The following LSAMP variants were observed in gnomAD, a reference collection of about 807,000 sequenced individuals.
LSAMP encodes the protein limbic system associated membrane protein, also known as limbic system-associated membrane protein.
A neutral mutation model predicts 38.6 loss-of-function variants in LSAMP; 7 were observed. The ratio of observed to expected loss-of-function variants is 0.18; its 90% confidence interval spans 0.10 to 0.34. The LOEUF (loss-of-function observed/expected upper bound fraction) is 0.34, where lower values mean the gene tolerates loss of function less well. Ranked by LOEUF, LSAMP falls within the 10% of genes least tolerant of loss-of-function variation. LSAMP has a pLI of 1.00. For missense variants in LSAMP, 313 were observed against 420.0 expected, an observed-to-expected ratio of 0.75 and a Z score of 2.23; for synonymous variants, 154 against 166.8, an observed-to-expected ratio of 0.92 and a Z score of 0.59.
intron 1 of LSAMP, among the ~76,000 whole-genome samples, chr3:116,269,580 A>G (rs1275935190): frequency 6.6e-6 from 1 of 152,128 alleles, no homozygotes. Flanking sequence ...ATTCAAGCTA[A>G]CATTGGGCTT....
chr3:116,126,602 A>G (rs890006401), intron 1 of LSAMP, among the ~76,000 whole-genome samples: 1 of 152,136 alleles, frequency 6.6e-6, no homozygotes, highest in Non-Finnish European at 1.5e-5. Flanking sequence ...TGGCTCATGC[A>G]TGTAATCCCA....
intron 1 of LSAMP, among the ~76,000 whole-genome samples, chr3:116,232,984 A>G (rs562337923): frequency 6.6e-6 from 1 of 152,092 alleles, no homozygotes; most frequent in East Asian, 1.9e-4. Flanking sequence ...CCTTTCTCAT[A>G]TTTGTCAATT....
At position 116,103,433 on chromosome 3, in the gene LSAMP, C is replaced by T. The variant is rs190272234; in HGVS notation, c.156-16877G>A. Among the ~76,000 whole-genome samples the T allele has an allele frequency of 5.3e-3, 766 of 144,566 alleles. 6 individuals are homozygous for T. The highest frequency in any genetic ancestry group is 0.018 in the African/African-American group (687 of 38,544). The allele number at this position is 144,566 out of a possible 152,430, so 94.8% of individuals were successfully genotyped here. A position where few individuals can be genotyped will look rare whatever the true frequency, so the allele number is the denominator to read the frequency against. On this transcript the variant is annotated intron_variant, in intron 1 of 6. Transcript: ENST00000490035. ...TGAGCTGAGATTATGCCACTGCACT[C>T]CAGCCTGGGTGACAGAGTGAGACTC...
At chr3:116,022,557 G>A (rs917081839) in intron 2 of LSAMP, among the ~76,000 whole-genome samples, 4 of 152,054 alleles carry the variant, frequency 2.6e-5, no homozygotes, top group Non-Finnish European at 5.9e-5. Context: ...CCTTCCAGTT[G>A]TTATTTTTTA....
intron 1 of LSAMP, among the ~76,000 whole-genome samples, chr3:116,387,925 C>G (rs371687492): frequency 8.4e-4 from 128 of 151,482 alleles, no homozygotes; most frequent in South Asian, 3.1e-3. Context: ...AACCCCGTCT[C>G]TACTAAAAAT....
At chr3:115,827,693 G>A (rs1371778238) in intron 6 of LSAMP, among the ~76,000 whole-genome samples, 2 of 152,132 alleles carry the variant, frequency 1.3e-5, no homozygotes, top group Admixed American at 6.6e-5. Context: ...TGACTTGTAA[G>A]GTCTCTTCCC....
intron 1 of LSAMP, among the ~76,000 whole-genome samples, chr3:116,267,109 G>T (rs75977769): frequency 9.1e-4 from 138 of 152,204 alleles, no homozygotes; most frequent in African/African-American, 3.2e-3. Context: ...AGCAGGAAAA[G>T]TAGACTCCCA....
At chr3:116,211,807 C>T (rs1395798943) in intron 1 of LSAMP, among the ~76,000 whole-genome samples, 2 of 152,102 alleles carry the variant, frequency 1.3e-5, no homozygotes, top group Non-Finnish European at 2.9e-5. Context: ...AAGGAAGAAA[C>T]CTATATCATT....
intron 2 of LSAMP, among the ~76,000 whole-genome samples, chr3:116,057,313 A>C (rs1941507540): frequency 6.6e-6 from 1 of 152,226 alleles, no homozygotes; most frequent in Non-Finnish European, 1.5e-5. Context: ...TGGCATTTTT[A>C]GCCATACATA....
chr3:116,230,572 T>C (rs566970034), intron 1 of LSAMP, among the ~76,000 whole-genome samples: 39 of 152,284 alleles, frequency 2.6e-4, no homozygotes, highest in African/African-American at 9.1e-4. Context: ...CTCTAGTCCA[T>C]AGGCTATGTC....
At chr3:115,970,697 T>C (rs1327286780) in intron 3 of LSAMP, among the ~76,000 whole-genome samples, 2 of 152,186 alleles carry the variant, frequency 1.3e-5, no homozygotes, top group Non-Finnish European at 2.9e-5. Flanking sequence ...TATGTACAAA[T>C]ATCTGTGGGG....
intron 1 of LSAMP, among the ~76,000 whole-genome samples, chr3:116,159,839 T>C (rs1709840137): frequency 6.6e-6 from 1 of 152,144 alleles, no homozygotes; most frequent in South Asian, 2.1e-4. Context: ...TGCCCAATAA[T>C]GGTAGAGTGG....
At chr3:116,182,758 T>A (rs1710516848) in intron 1 of LSAMP, among the ~76,000 whole-genome samples, 1 of 151,886 alleles carries the variant, frequency 6.6e-6, no homozygotes, top group Non-Finnish European at 1.5e-5. Context: ...AGAATCTGAA[T>A]TTTAGGAGAG....
chr3:116,004,421 C>A (rs1233555802), intron 3 of LSAMP, among the ~76,000 whole-genome samples: 1 of 151,098 alleles, frequency 6.6e-6, no homozygotes, highest in African/African-American at 2.4e-5. Context: ...TACATATATA[C>A]ACATATACAT....
chr3:116,232,683 T>TTTTC (rs753991102), intron 1 of LSAMP, among the ~76,000 whole-genome samples: 4,791 of 114,500 alleles, frequency 0.042, 190 homozygotes, highest in South Asian at 0.087. Flanking sequence ...TTTAATTTTC[T>TTTTC]TTTCTTTCTT....
chr3:115,909,226 T>G (rs1452598873), intron 3 of LSAMP, among the ~76,000 whole-genome samples: 1 of 152,208 alleles, frequency 6.6e-6, no homozygotes, highest in East Asian at 1.9e-4. Flanking sequence ...CCCAGATGCC[T>G]TCTGAAATTC....
intron 3 of LSAMP, among the ~76,000 whole-genome samples, chr3:115,956,693 G>C (rs955502340): frequency 3.9e-5 from 6 of 152,238 alleles, no homozygotes; most frequent in Middle Eastern, 3.4e-3. Flanking sequence ...CAACAAAGGA[G>C]AGAAAAAATT....
At chr3:115,937,071 T>G (rs555940420) in intron 3 of LSAMP, among the ~76,000 whole-genome samples, 28 of 152,306 alleles carry the variant, frequency 1.8e-4, no homozygotes, top group Admixed American at 1.0e-3. Flanking sequence ...ATTTATATGT[T>G]GCATCGCAAG....
intron 3 of LSAMP, among the ~76,000 whole-genome samples, chr3:115,866,299 C>T (rs539299794): frequency 5.3e-5 from 8 of 152,222 alleles, no homozygotes; most frequent in Admixed American, 1.3e-4. Context: ...CTACCTGGAA[C>T]TCCAAAAAAG....
Sources: allele counts gnomAD v4.1 joint callset (sites outside exome capture counted in the v4.1 genomes callset), GRCh38; gene constraint gnomAD v4.1.1; transcripts MANE v1.5; gene names NCBI Gene and HGNC (gene_info 2026-07-23, HGNC 2026-07-21).